PIK3C2G: variants seen among roughly 807,000 people sequenced by gnomAD.
PIK3C2G encodes phosphatidylinositol 3-kinase C2 domain-containing subunit gamma.
In PIK3C2G, 168 loss-of-function variants were observed where a neutral mutation model predicts 181.1. The observed-to-expected ratio is 0.93, with a 90% CI of 0.82 to 1.05. PIK3C2G has a LOEUF of 1.05. Among genes scored for constraint, PIK3C2G ranks in the 50% least tolerant of loss-of-function variants. The pLI is 0.00. For synonymous variants in PIK3C2G, 573 were observed against 592.2 expected (o/e 0.97, Z 0.47); for missense variants, 1,869 against 1,732.8 (o/e 1.08, Z -1.40).
intron 19 of PIK3C2G, among the ~76,000 whole-genome samples, chr12:18,491,034 T>TGAAGGAAAGTA (rs1940521268): frequency 6.6e-6 from 1 of 152,184 alleles, no homozygotes; most frequent in African/African-American, 2.4e-5. Flanking sequence ...TGCACTATAC[T>TGAAGGAAAGTA]ATTGAGTGTA....
intron 31 of PIK3C2G, among the ~76,000 whole-genome samples, chr12:18,635,396 T>C (rs1233363790): frequency 1.3e-5 from 2 of 152,192 alleles, no homozygotes; most frequent in African/African-American, 4.8e-5. Context: ...CATTTGATGA[T>C]GGAGTATTGT....
rs116744830 is a variant in PIK3C2G, at chr12:18,597,457, G to A, written c.4087+2888G>A. ...AATAATAATATAAAGCATTAAAATAGACCTAAGAGAAAACTAATCTATTAT... is the reference window on the plus strand; with the variant it reads ...AATAATAATATAAAGCATTAAAATAAACCTAAGAGAAAACTAATCTATTAT... On this transcript the variant is annotated intron_variant, in intron 30 of 32. Transcript: ENST00000538779. Among the ~76,000 whole-genome samples, 993 of 152,068 alleles carry A rather than the reference G, an allele frequency of 6.5e-3. 8 individuals are homozygous for A. Among genetic ancestry groups the A allele is most frequent in the African/African-American group, 0.023 (950 of 41,502 alleles).
intron 29 of PIK3C2G, among the ~76,000 whole-genome samples, chr12:18,571,135 A>G (rs981002449): frequency 6.6e-6 from 1 of 150,864 alleles, no homozygotes. Flanking sequence ...CAAAATATTT[A>G]TAAACTTTTC....
intron 26 of PIK3C2G, among the ~76,000 whole-genome samples, chr12:18,562,421 C>T (rs1390342889): frequency 6.6e-6 from 1 of 152,180 alleles, no homozygotes; most frequent in Non-Finnish European, 1.5e-5. Flanking sequence ...CGTGAGCCAC[C>T]GCGCCGGGCC....
intron 24 of PIK3C2G, among the ~76,000 whole-genome samples, chr12:18,519,502 G>C (rs748165676): frequency 1.3e-4 from 19 of 151,932 alleles, no homozygotes. Flanking sequence ...ATCTTTGTTG[G>C]TTTAAAGTCC....
intron 16 of PIK3C2G, among the ~76,000 whole-genome samples, chr12:18,417,756 C>CA (rs530211891): frequency 0.06 from 8,571 of 143,444 alleles, 329 homozygotes; most frequent in Non-Finnish European, 0.086. Flanking sequence ...TTAAAAAAAA[C>CA]AAAAAAAAAA....
At chr12:18,252,834 G>A (rs10840997) in intron 1 of PIK3C2G, among the ~76,000 whole-genome samples, 64,125 of 151,946 alleles carry the variant, frequency 0.42, 14,162 homozygotes, top group East Asian at 0.75. Context: ...GCAGGAGAAG[G>A]TCAGAGAGTA....
At chr12:18,454,743 T>A (rs1465889504) in intron 18 of PIK3C2G, among the ~76,000 whole-genome samples, 1 of 152,208 alleles carries the variant, frequency 6.6e-6, no homozygotes, top group Non-Finnish European at 1.5e-5. Context: ...GATTCTATTC[T>A]ACTTCTGAAT....
chr12:18,563,546 G>T (rs747277471), intron 28 of PIK3C2G, 48 bp downstream of exon 28: 2 of 1,572,938 alleles, frequency 1.3e-6, no homozygotes, highest in Non-Finnish European at 1.7e-6. Flanking sequence ...ACTTGTCCTT[G>T]AGCAAAAAGA....
At chr12:18,293,173 G>A (rs751867843) in intron 4 of PIK3C2G, among the ~76,000 whole-genome samples, 4 of 151,904 alleles carry the variant, frequency 2.6e-5, no homozygotes, top group African/African-American at 7.3e-5. Context: ...TACTGGCCAC[G>A]TTTGTCTATT....
chr12:18,559,353 C>T (rs1313686200), intron 26 of PIK3C2G, among the ~76,000 whole-genome samples: 2 of 151,990 alleles, frequency 1.3e-5, no homozygotes, highest in Non-Finnish European at 2.9e-5. Flanking sequence ...CAGGTGGAGG[C>T]AAACCATTAA....
At chr12:18,647,417 AC>A (rs1335159891) in intron 32 of PIK3C2G, among the ~76,000 whole-genome samples, 1 of 151,858 alleles carries the variant, frequency 6.6e-6, no homozygotes, top group Non-Finnish European at 1.5e-5. Flanking sequence ...TACCTCTGGT[AC>A]AAACCTGCAC....
At chr12:18,627,981 A>G (rs957805038) in intron 31 of PIK3C2G, among the ~76,000 whole-genome samples, 3 of 152,226 alleles carry the variant, frequency 2.0e-5, no homozygotes, top group Admixed American at 6.5e-5. Context: ...ATTAATCTAC[A>G]GAAGTTTCCA....
intron 31 of PIK3C2G, among the ~76,000 whole-genome samples, chr12:18,636,239 T>C (rs911974886): frequency 4.6e-5 from 7 of 152,246 alleles, no homozygotes; most frequent in South Asian, 2.1e-4. Flanking sequence ...TGTTTTGTTT[T>C]GTGTTGTTTT....
In PIK3C2G at chr12:18,547,498, G is replaced by C. The variant is rs114929746; in HGVS notation, c.3590+1066G>C. Among the ~76,000 whole-genome samples, 1,147 of 152,120 alleles carry C rather than the reference G, an allele frequency of 7.5e-3. 12 individuals carry two copies. The highest frequency in any genetic ancestry group is 0.026 in the African/African-American group (1,086 of 41,544). On this transcript the variant is annotated intron_variant, in intron 26 of 32. Transcript: ENST00000538779. ...ATTCTGACAATAGACATTCAAGTGA[G>C]AAAACTGAGATACAGAGAATTGTCT... is the stretch of plus-strand genomic sequence containing the variant.
chr12:18,490,912 T>C (rs1479470374), intron 19 of PIK3C2G, among the ~76,000 whole-genome samples: 2 of 152,182 alleles, frequency 1.3e-5, no homozygotes, highest in African/African-American at 2.4e-5. Context: ...AGAAATATAC[T>C]CATTGATGTC....
In PIK3C2G at chr12:18,275,648, T is replaced by C. The variant is rs533143914; in HGVS notation, c.-78-6356T>C. On this transcript the variant is annotated intron_variant, in intron 1 of 32. Coordinates refer to ENST00000538779, the MANE Select transcript of PIK3C2G (RefSeq NM_001288772.2). ...CACCCGCCTCGGCCTCCCAAAGTGC[T>C]GGGATTACAGTCGTGGGCCACCATG... is the stretch of plus-strand genomic sequence containing the variant. Among the ~76,000 whole-genome samples, 353 of 152,338 alleles carry C rather than the reference T, an allele frequency of 2.3e-3. 1 individual carries two copies. Among genetic ancestry groups the C allele is most frequent in the African/African-American group, 7.9e-3 (330 of 41,582 alleles).
At chr12:18,637,480 C>G (rs1949658047) in intron 31 of PIK3C2G, among the ~76,000 whole-genome samples, 1 of 151,196 alleles carries the variant, frequency 6.6e-6, no homozygotes, top group African/African-American at 2.4e-5. Context: ...CACATAAAAG[C>G]TAGCCTACAT....
intron 30 of PIK3C2G, among the ~76,000 whole-genome samples, 163 bp from the exon 31 acceptor site, chr12:18,609,372 G>C (rs1044873649): frequency 4.0e-4 from 61 of 152,192 alleles, no homozygotes; most frequent in African/African-American, 1.3e-3. Context: ...CCATCTCTAT[G>C]TAACCAACTG....
Sources: gnomAD v4.1 joint callset for allele counts (sites outside exome capture counted in the v4.1 genomes callset) on GRCh38, gnomAD v4.1.1 for gene constraint, MANE v1.5 for transcripts, NCBI Gene and HGNC (gene_info 2026-07-23, HGNC 2026-07-21) for gene names.